Variants in CMSS1 observed in about 807,000 individuals in gnomAD.
CMSS1 encodes the protein protein CMSS1.
Under a neutral mutation model 43.5 loss-of-function variants are expected in CMSS1, and 33 were observed. The observed-to-expected ratio is 0.76, with a 90% CI of 0.57 to 1.01. CMSS1 has a LOEUF of 1.01. Ranked by LOEUF, CMSS1 falls within the 50% of genes least tolerant of loss-of-function variation. The pLI is 0.00. For synonymous variants in CMSS1, 115 were observed against 117.2 expected (o/e 0.98, Z 0.12); for missense variants, 313 against 326.4 (o/e 0.96, Z 0.32).
chr3:99,907,476 T>C (rs997747277), intron 1 of CMSS1, among the ~76,000 whole-genome samples: 4 of 152,164 alleles, frequency 2.6e-5, no homozygotes, highest in African/African-American at 7.2e-5. Flanking sequence ...CTTGATCTCC[T>C]GACCTCATGA....
At chr3:100,084,409 T>G (rs1033552850) in intron 1 of CMSS1, among the ~76,000 whole-genome samples, 1 of 152,216 alleles carries the variant, frequency 6.6e-6, no homozygotes, top group Non-Finnish European at 1.5e-5. Context: ...TGATCAAGGC[T>G]GCTTGCAAAT....
chr3:100,162,496 G>C (rs2067033151), intron 4 of CMSS1, 64 bp downstream of exon 4: 1 of 1,543,430 alleles, frequency 6.5e-7, no homozygotes, highest in African/African-American at 1.4e-5. Context: ...TTATGGTTAG[G>C]TGTCTCAGGC....
intron 1 of CMSS1, among the ~76,000 whole-genome samples, chr3:99,894,939 G>A (rs927622483): frequency 6.6e-6 from 1 of 152,140 alleles, no homozygotes; most frequent in Non-Finnish European, 1.5e-5. Flanking sequence ...TGTGTTACAC[G>A]AAACATGATA....
intron 1 of CMSS1, among the ~76,000 whole-genome samples, chr3:100,136,653 G>C (rs1395384435): frequency 6.6e-6 from 1 of 152,160 alleles, no homozygotes; most frequent in African/African-American, 2.4e-5. Flanking sequence ...TCACAGAGGA[G>C]GGAAAACCTG....
At chr3:100,152,356 C>A (rs1334025613) in intron 2 of CMSS1, among the ~76,000 whole-genome samples, 2 of 152,136 alleles carry the variant, frequency 1.3e-5, no homozygotes, top group African/African-American at 4.8e-5. Context: ...TGCATATATA[C>A]CTCCTTTAAA....
At chr3:99,872,107 G>T (rs1289802304) in intron 1 of CMSS1, among the ~76,000 whole-genome samples, 1 of 152,062 alleles carries the variant, frequency 6.6e-6, no homozygotes, top group Non-Finnish European at 1.5e-5. Context: ...GTGAGCTGTA[G>T]CCCAAGAATG....
intron 1 of CMSS1, among the ~76,000 whole-genome samples, chr3:99,923,548 A>T (rs1707189865): frequency 2.6e-5 from 4 of 152,120 alleles, no homozygotes; most frequent in Admixed American, 2.6e-4. Context: ...TTGACTAAAC[A>T]TCATAAGTAG....
At position 100,024,268 on chromosome 3, in the gene CMSS1, A is replaced by T. The variant is rs748493403; in HGVS notation, c.65-122705A>T. Among the ~76,000 whole-genome samples, 3 of 151,888 alleles carry T rather than the reference A, an allele frequency of 2.0e-5. No homozygotes were observed. In the South Asian group the frequency reaches 6.2e-4, roughly 32 times the overall value. On this transcript the variant is annotated intron_variant, in intron 1 of 9. Transcript: ENST00000421999. ...GTGTAGAGCCAAGGCCTTTTCTTTGATTATAGGTTTGCCGATTACAATTTC... is the reference window on the plus strand; with the variant it reads ...GTGTAGAGCCAAGGCCTTTTCTTTGTTTATAGGTTTGCCGATTACAATTTC...
chr3:100,132,320 T>G (rs2066715251), intron 1 of CMSS1, among the ~76,000 whole-genome samples: 1 of 151,988 alleles, frequency 6.6e-6, no homozygotes, highest in Admixed American at 6.6e-5. Context: ...GGAGGATAAC[T>G]TGAGCCCAGC....
At chr3:100,026,971 G>A (rs1336467893) in intron 1 of CMSS1, among the ~76,000 whole-genome samples, 2 of 152,112 alleles carry the variant, frequency 1.3e-5, no homozygotes, top group African/African-American at 4.8e-5. Flanking sequence ...CCTCCTGTCT[G>A]TTCCTCACAT....
At chr3:99,860,706 G>T (rs1386879868) in intron 1 of CMSS1, among the ~76,000 whole-genome samples, 3 of 152,120 alleles carry the variant, frequency 2.0e-5, no homozygotes, top group Admixed American at 2.0e-4. Context: ...AGATGCTCAG[G>T]CTAGACCTGG....
intron 1 of CMSS1, among the ~76,000 whole-genome samples, chr3:100,089,838 AT>A (rs1307288080): frequency 1.3e-5 from 2 of 152,130 alleles, no homozygotes; most frequent in Non-Finnish European, 2.9e-5. Flanking sequence ...TCTAGTCTCC[AT>A]TTTTGCCACC....
At chr3:99,944,117 G>C (rs1707933963) in intron 1 of CMSS1, among the ~76,000 whole-genome samples, 1 of 152,186 alleles carries the variant, frequency 6.6e-6, no homozygotes, top group Admixed American at 6.5e-5. Context: ...GCATCATGAG[G>C]AGAGTACATT....
At chr3:100,015,728 T>G (rs1710320764) in intron 1 of CMSS1, among the ~76,000 whole-genome samples, 1 of 152,200 alleles carries the variant, frequency 6.6e-6, no homozygotes. Flanking sequence ...TTCATCAAGC[T>G]GTAAGTTCCT....
At chr3:99,908,175 C>A (rs1272518986) in intron 1 of CMSS1, among the ~76,000 whole-genome samples, 1 of 152,322 alleles carries the variant, frequency 6.6e-6, no homozygotes, top group East Asian at 1.9e-4. Flanking sequence ...ATAGCCCATG[C>A]AGCTGGATAT....
chr3:99,888,297 T>C (rs1359457907), intron 1 of CMSS1, among the ~76,000 whole-genome samples: 1 of 151,930 alleles, frequency 6.6e-6, no homozygotes, highest in African/African-American at 2.4e-5. Flanking sequence ...ACCTGGAAGG[T>C]TGAGGCTACA....
intron 1 of CMSS1, among the ~76,000 whole-genome samples, chr3:99,878,795 G>A (rs1705625636): frequency 6.6e-6 from 1 of 152,224 alleles, no homozygotes; most frequent in Non-Finnish European, 1.5e-5. Context: ...CCTGGGTGGT[G>A]TATTGCAAAC....
chr3:100,076,872 T>C (rs1365498207), intron 1 of CMSS1, among the ~76,000 whole-genome samples: 2 of 152,248 alleles, frequency 1.3e-5, no homozygotes, highest in Non-Finnish European at 2.9e-5. Flanking sequence ...TATCATTTCT[T>C]GCCCACTATT....
intron 1 of CMSS1, among the ~76,000 whole-genome samples, chr3:100,133,259 A>C (rs559909912): frequency 6.6e-6 from 1 of 152,202 alleles, no homozygotes; most frequent in African/African-American, 2.4e-5. Flanking sequence ...GACTAATGAC[A>C]TGGGGAAATA....
Sources: allele counts gnomAD v4.1 joint callset (sites outside exome capture counted in the v4.1 genomes callset), GRCh38; gene constraint gnomAD v4.1.1; transcripts MANE v1.5; gene names NCBI Gene and HGNC (gene_info 2026-07-23, HGNC 2026-07-21).